DNAJC1: variants seen among roughly 807,000 people sequenced by gnomAD.
The protein encoded by DNAJC1 is dnaJ homolog subfamily C member 1.
DNAJC1 carries 58 observed loss-of-function variants against 76.6 expected under a neutral mutation model. That is an observed-to-expected ratio of 0.76 (90% CI 0.61 to 0.94). The LOEUF (loss-of-function observed/expected upper bound fraction) is 0.94, where lower values mean the gene tolerates loss of function less well. DNAJC1 is among the 40% of genes least tolerant of loss of function. The pLI, the probability that DNAJC1 is intolerant of heterozygous loss-of-function variation, is 0.00. For missense variants in DNAJC1, 689 were observed against 677.3 expected, an observed-to-expected ratio of 1.02 and a Z score of -0.19; for synonymous variants, 258 against 267.9, an observed-to-expected ratio of 0.96 and a Z score of 0.36.
chr10:21,844,327 C>T lies in DNAJC1; in HGVS notation c.978+37955G>A, dbSNP rs571597173. On this transcript the variant is annotated intron_variant, in intron 8 of 11. Transcript: ENST00000376980. The stretch of plus-strand genomic sequence containing the variant: ...TTCACAACGTTGCCCAGGCTGGTCT[C>T]GAATCCTGGCCTCAAGTGATCCACC... Among the ~76,000 whole-genome samples the T allele has an allele frequency of 9.9e-5, 15 of 151,266 alleles. No homozygotes were observed. The South Asian group carries it at 3.1e-3, about 32-fold the overall frequency.
chr10:21,901,614 G>GC (rs1365763511), intron 7 of DNAJC1, among the ~76,000 whole-genome samples: 3 of 152,064 alleles, frequency 2.0e-5, no homozygotes, highest in Admixed American at 2.0e-4. Context: ...CCTTTTCACT[G>GC]CCCCCCATAT....
In DNAJC1 at chr10:22,003,482, G is replaced by C; in HGVS notation, c.-48C>G. On this transcript the variant is annotated 5_prime_UTR_variant, in exon 1 of 12. Coordinates refer to ENST00000376980, the MANE Select transcript of DNAJC1 (RefSeq NM_022365.4). The stretch of plus-strand genomic sequence containing the variant: ...CCCGCCGCGCAGCTCCGTTGGCCGA[G>C]AGCTGGGACGTGGCGGGCGGCGCTG... 1 of 1,310,946 alleles carries C rather than the reference G, an allele frequency of 7.6e-7. No individual in the cohort carries two copies. The highest frequency in any genetic ancestry group is 2.3e-5 in the South Asian group (1 of 43,526). 81.2% of individuals were successfully genotyped at this position (1,310,946 alleles called of 1,614,324 possible).
At chr10:21,980,725 G>A (rs770388177) in intron 1 of DNAJC1, among the ~76,000 whole-genome samples, 1 of 151,988 alleles carries the variant, frequency 6.6e-6, no homozygotes, top group Non-Finnish European at 1.5e-5. Context: ...AGGTATATGA[G>A]AACTGTATTA....
intron 3 of DNAJC1, among the ~76,000 whole-genome samples, chr10:21,924,292 T>C (rs1163154745): frequency 6.6e-6 from 1 of 152,134 alleles, no homozygotes; most frequent in Non-Finnish European, 1.5e-5. Flanking sequence ...TTTATAAAAG[T>C]TTAACATATT....
chr10:21,880,677 G>T (rs1836259811), intron 8 of DNAJC1, among the ~76,000 whole-genome samples: 1 of 152,184 alleles, frequency 6.6e-6, no homozygotes, highest in African/African-American at 2.4e-5. Context: ...GCCGTAAACA[G>T]ATGTGCTGTC....
In DNAJC1 at chr10:21,903,086, C is replaced by T. The variant is rs1203894795; in HGVS notation, c.820+1436G>A. Among the ~76,000 whole-genome samples, 4 of 152,078 alleles carry T rather than the reference C, an allele frequency of 2.6e-5. No homozygotes were observed. The South Asian group carries it at 8.3e-4, about 31-fold the overall frequency. On this transcript the variant is annotated intron_variant, in intron 7 of 11. Transcript: ENST00000376980. ...GGATTACAGGTGTCCGCCACTATGC[C>T]TGGCTAATTTTTGTATTTTTAGTAG...
At chr10:21,922,749 T>G (rs1004084154) in intron 3 of DNAJC1, among the ~76,000 whole-genome samples, 3 of 151,956 alleles carry the variant, frequency 2.0e-5, no homozygotes, top group African/African-American at 7.2e-5. Context: ...CAACCTTAAG[T>G]CCTGAATCTA....
intron 8 of DNAJC1, among the ~76,000 whole-genome samples, chr10:21,826,736 C>T (rs973806531): frequency 1.3e-5 from 2 of 152,074 alleles, no homozygotes; most frequent in African/African-American, 2.4e-5. Flanking sequence ...TCAGTTTTCC[C>T]ACCACCATTT....
intron 1 of DNAJC1, among the ~76,000 whole-genome samples, chr10:21,975,956 T>C (rs1254892061): frequency 2.6e-5 from 4 of 152,196 alleles, no homozygotes; most frequent in African/African-American, 4.8e-5. Context: ...AGATAAATTA[T>C]GGGAAAATTA....
At position 21,882,327 on chromosome 10, in the gene DNAJC1, T is replaced by C. The variant is rs777320811; in HGVS notation, c.933A>G (p.Gln311=). Residue 311 remains glutamine, a synonymous_variant, in exon 8 of 12, where the codon CAA becomes CAG. Transcript: ENST00000376980. ...HGTSIEEIEE[Q]MDDWLENRNR... ...TCCTGTTTTCCAACCAATCATCCATTTGTTCCTCAATTTCTTCTATGGAAG... is the reference window on the plus strand; with the variant it reads ...TCCTGTTTTCCAACCAATCATCCATCTGTTCCTCAATTTCTTCTATGGAAG... The C allele has an allele frequency of 3.1e-6, 5 of 1,605,530 alleles. No individual in the cohort carries two copies. Among genetic ancestry groups the C allele is most frequent in the Non-Finnish European group, 4.2e-6 (5 of 1,177,712 alleles).
At chr10:21,785,662 C>G (rs1834596134) in intron 9 of DNAJC1, 1 of 152,212 alleles carries the variant, frequency 6.6e-6, no homozygotes. Flanking sequence ...TCTCCCTGCC[C>G]TCCTGGGCCT....
intron 1 of DNAJC1, among the ~76,000 whole-genome samples, chr10:21,941,418 A>G (rs866381530): frequency 6.3e-4 from 96 of 152,268 alleles, no homozygotes; most frequent in African/African-American, 2.2e-3. Flanking sequence ...AGACGCTGTT[A>G]AGGAATTATT....
At chr10:21,966,443 T>TC (rs1837890688) in intron 1 of DNAJC1, among the ~76,000 whole-genome samples, 1 of 151,568 alleles carries the variant, frequency 6.6e-6, no homozygotes, top group African/African-American at 2.4e-5. Context: ...GATTTTTTTT[T>TC]TTATCATCAT....
chr10:21,941,488 T>C (rs1425341655), intron 1 of DNAJC1, among the ~76,000 whole-genome samples: 6 of 152,092 alleles, frequency 3.9e-5, no homozygotes, highest in Non-Finnish European at 8.8e-5. Context: ...TCTAAAGAGA[T>C]GCACAGTGAA....
chr10:21,992,070 G>C (rs187272305), intron 1 of DNAJC1, among the ~76,000 whole-genome samples: 1 of 152,314 alleles, frequency 6.6e-6, no homozygotes, highest in East Asian at 1.9e-4. Flanking sequence ...CAGCACTCTG[G>C]GAGGCCAAGG....
chr10:21,806,703 C>CT (rs879570572), intron 8 of DNAJC1, among the ~76,000 whole-genome samples: 36 of 145,494 alleles, frequency 2.5e-4, no homozygotes, highest in East Asian at 4.0e-4. Context: ...AAATGTCACT[C>CT]TTTTTTTTTT....
At chr10:21,868,080 A>AAAAAAAAAAAC (rs1564812352) in intron 8 of DNAJC1, among the ~76,000 whole-genome samples, 8 of 110,762 alleles carry the variant, frequency 7.2e-5, no homozygotes, top group Admixed American at 1.2e-4. Context: ...TGTCTCCAAA[A>AAAAAAAAAAAC]AAAAAAAAAC....
chr10:21,768,424 G>C (rs1834327155), intron 9 of DNAJC1, among the ~76,000 whole-genome samples: 1 of 152,184 alleles, frequency 6.6e-6, no homozygotes. Context: ...GTAACAGACA[G>C]CAATTTTCCA....
chr10:21,907,626 A>C (rs538414912), intron 6 of DNAJC1, among the ~76,000 whole-genome samples: 1 of 152,232 alleles, frequency 6.6e-6, no homozygotes, highest in African/African-American at 2.4e-5. Flanking sequence ...ATTACAGGCA[A>C]GAATGTTGTA....
Sources: allele counts gnomAD v4.1 joint callset (sites outside exome capture counted in the v4.1 genomes callset), GRCh38; gene constraint gnomAD v4.1.1; transcripts MANE v1.5; gene names NCBI Gene and HGNC (gene_info 2026-07-23, HGNC 2026-07-21).